Variants in PRSS36 observed in about 807,000 individuals in gnomAD.
PRSS36 encodes the protein polyserase-2.
Under a neutral mutation model 94.3 loss-of-function variants are expected in PRSS36, and 90 were observed. That is an observed-to-expected ratio of 0.95 (90% CI 0.80 to 1.14). PRSS36 has a LOEUF of 1.14. PRSS36 is among the 50% of genes most tolerant of loss of function. The probability of loss-of-function intolerance (pLI) is 0.00; values close to 1 mark genes in which losing one functional copy is unlikely to be tolerated. For synonymous variants in PRSS36, 500 were observed against 489.6 expected, an observed-to-expected ratio of 1.02 and a Z score of -0.28; for missense variants, 1,158 against 1,135.0, an observed-to-expected ratio of 1.02 and a Z score of -0.29.
chr16:31,139,342 C>T lies in PRSS36; in HGVS notation c.2364G>A (p.Gly788=). The change falls in exon 15 of 15, where the codon GGG becomes GGA. Residue 788 remains glycine, a synonymous_variant. Coordinates refer to ENST00000268281, the MANE Select transcript of PRSS36 (RefSeq NM_173502.5). ...SWILVGMAVQ[G]SRELFAAIGP... Reference sequence around the variant, plus strand: ...CAATGGCAGCAAACAGCTCCCGGCTCCCTTGAACAGCCATGCCCACGAGGA... The same window carrying T: ...CAATGGCAGCAAACAGCTCCCGGCTTCCTTGAACAGCCATGCCCACGAGGA... The T allele has an allele frequency of 6.2e-7, 1 of 1,614,166 alleles. No homozygotes were observed. The highest frequency in any genetic ancestry group is 8.5e-7 in the Non-Finnish European group (1 of 1,180,016).
intron 6 of PRSS36, among the ~76,000 whole-genome samples, chr16:31,144,527 C>T (rs1431690331): frequency 6.6e-6 from 1 of 152,148 alleles, no homozygotes; most frequent in African/African-American, 2.4e-5. Context: ...AGGCTGGTCT[C>T]AGACTCCTGG....
In PRSS36 at chr16:31,142,484, G is replaced by C. The variant is rs901071796; in HGVS notation, c.1518C>G (p.Cys506Trp). ...GGGCCCCGCCCCCGCCGCTTACCCAGCAGCTGCCCACCTCCTCCTTTTCCT... is the reference window on the plus strand; with the variant it reads ...GGGCCCCGCCCCCGCCGCTTACCCACCAGCTGCCCACCTCCTCCTTTTCCT... The part of the protein sequence containing the change: ...AYQEKEEVGS[C>W]WNDSRWSLLC... The change falls in exon 10 of 15, where the codon TGC becomes TGG. Residue 506 changes from cysteine (C) to tryptophan (W), a missense_variant. Transcript: ENST00000268281. 6.1e-6 allele frequency: 9 copies of C among 1,468,436 alleles called. No individual in the cohort carries two copies. In the African/African-American group the frequency reaches 8.7e-5, roughly 14 times the overall value. 91.0% of individuals were successfully genotyped at this position (1,468,436 alleles called of 1,614,324 possible).
In PRSS36 at chr16:31,140,421, G is replaced by T. The variant is rs762267020; in HGVS notation, c.2168-6C>A. On this transcript the variant is annotated splice_polypyrimidine_tract_variant and splice_region_variant and intron_variant, in intron 13 of 14. Coordinates refer to ENST00000268281, the MANE Select transcript of PRSS36 (RefSeq NM_173502.5). ...GACAGCAGCAGCCACAGGGACTGGG[G>T]AGAGGAGACAAAGTTGTTCCAGGGC... is the stretch of plus-strand genomic sequence containing the variant. 6.2e-7 allele frequency: 1 copy of T among 1,612,822 alleles called. No individual in the cohort carries two copies. Among genetic ancestry groups the T allele is most frequent in the Non-Finnish European group, 8.5e-7 (1 of 1,179,422 alleles).
In PRSS36 at chr16:31,144,256, C is replaced by A. The variant is rs975648535; in HGVS notation, c.721-419G>T. The stretch of plus-strand genomic sequence containing the variant: ...GTGGTGCAACCTCAGCCCACTGCAA[C>A]CTCTGCCTCCCGGGTTCAAGTGATT... On this transcript the variant is annotated intron_variant, in intron 6 of 14. Transcript: ENST00000268281. Among the ~76,000 whole-genome samples, 46 of 152,134 alleles carry A rather than the reference C, an allele frequency of 3.0e-4. 2 individuals carry two copies.
intron 13 of PRSS36, 32 bp from the exon 14 acceptor site, chr16:31,140,447 T>C: frequency 6.2e-7 from 1 of 1,608,094 alleles, no homozygotes; most frequent in Non-Finnish European, 8.5e-7. Flanking sequence ...GTTCCAGGGC[T>C]CTGGCCTCCA....
At chr16:31,139,544 C>T (rs2057648436) in intron 14 of PRSS36, 128 bp from the exon 15 acceptor site, 2 of 1,164,232 alleles carry the variant, frequency 1.7e-6, no homozygotes, top group African/African-American at 1.5e-5. Context: ...TGGTTTCTCT[C>T]CCGGGTCCAG....
At chr16:31,141,072 G>T (rs972567956) in intron 12 of PRSS36, among the ~76,000 whole-genome samples, 2 of 152,196 alleles carry the variant, frequency 1.3e-5, no homozygotes, top group East Asian at 3.9e-4. Context: ...GGTTACAGGC[G>T]CCTGCCACCA....
chr16:31,139,399 G>T lies in PRSS36; in HGVS notation c.2307C>A (p.Pro769=). ...ENRCEMTSAP[P]LLCQMTEGSW... ...ACCCTTCCGTCATCTGGCACAGGAG[G>T]GGCGGTGCTGAGGTCATCTGCAGAG... Residue 769 remains proline, a synonymous_variant, in exon 15 of 15, where the codon CCC becomes CCA. Coordinates refer to ENST00000268281, the MANE Select transcript of PRSS36 (RefSeq NM_173502.5). 1 of 1,613,930 alleles carries T rather than the reference G, an allele frequency of 6.2e-7. No individual in the cohort carries two copies. The highest frequency in any genetic ancestry group is 1.3e-5 in the African/African-American group (1 of 75,030).
chr16:31,148,748 C>T (rs1156515908), intron 4 of PRSS36, 73 bp from the exon 5 acceptor site: 1 of 1,579,652 alleles, frequency 6.3e-7, no homozygotes, highest in East Asian at 2.2e-5. Flanking sequence ...GGGGCAGGGG[C>T]TCAGAGCCAG....
chr16:31,149,064 AAT>A lies in PRSS36; in HGVS notation c.272+7_272+8del. ...GCGGAGAGGGGCCAGGACCAGGGCG[AAT>A]ACTCACGTCATGAAACAGTGAGCAG... On this transcript the variant is annotated splice_region_variant and intron_variant, in intron 4 of 14. Transcript: ENST00000268281. 1 of 1,587,932 alleles carries A rather than the reference AAT, an allele frequency of 6.3e-7. No homozygotes were observed. The highest frequency in any genetic ancestry group is 8.6e-7 in the Non-Finnish European group (1 of 1,168,890).
chr16:31,142,388 T>C (rs2057712176), intron 10 of PRSS36, 93 bp downstream of exon 10: 3 of 1,318,824 alleles, frequency 2.3e-6, no homozygotes, highest in Non-Finnish European at 3.0e-6. Context: ...GCCCTCTCCC[T>C]AGAGCCCACT....
chr16:31,145,165 C>G (rs908378961), intron 6 of PRSS36, among the ~76,000 whole-genome samples: 1 of 151,482 alleles, frequency 6.6e-6, no homozygotes, highest in Non-Finnish European at 1.5e-5. Context: ...GTCAGGAGAT[C>G]GAGACAATCC....
At position 31,139,144 on chromosome 16, in the gene PRSS36, C is replaced by G. The variant is rs1232001793; in HGVS notation, c.2562G>C (p.Gln854His). The G allele has an allele frequency of 3.2e-6, 5 of 1,558,084 alleles. No homozygotes were observed. Among genetic ancestry groups the G allele is most frequent in the Admixed American group, 1.9e-5 (1 of 54,038 alleles). Residue 854 changes from glutamine (Q) to histidine (H), a missense_variant, in exon 15 of 15, where the codon CAG becomes CAC. By Grantham distance (24) the Gln-to-His change is conservative. Coordinates refer to ENST00000268281, the MANE Select transcript of PRSS36 (RefSeq NM_173502.5). ...YFLLLLTLLI[Q>H]S is the part of the protein sequence containing the mutation. ...GTGCTGGGACCCTAGCCCCTCAGCT[C>G]TGGATCAGGAGAGTCAGCAGGAGCA... is the stretch of plus-strand genomic sequence containing the variant.
In PRSS36 at chr16:31,149,745, G is replaced by A; in HGVS notation, c.38-14C>T. ...TGGGACTGATGACTGGAAAGACAGA[G>A]GTAGGCAGGAAGAGGCTGGCGACTC... On this transcript the variant is annotated splice_polypyrimidine_tract_variant and intron_variant, in intron 1 of 14. Coordinates refer to ENST00000268281, the MANE Select transcript of PRSS36 (RefSeq NM_173502.5). 6.2e-7 allele frequency: 1 copy of A among 1,614,148 alleles called. No individual in the cohort carries two copies. Among genetic ancestry groups the A allele is most frequent in the Non-Finnish European group, 8.5e-7 (1 of 1,180,028 alleles).
chr16:31,142,909 C>A lies in PRSS36; in HGVS notation c.1185G>T (p.Ala395=). 6.5e-7 allele frequency: 1 copy of A among 1,537,682 alleles called. No homozygotes were observed. The highest frequency in any genetic ancestry group is 2.6e-5 in the East Asian group (1 of 38,812). ...AAGCGTTCTCGTGCTGCACCAGGCGCGCCACCCGCTCCGCGCGCGGGCGCG... is the reference window on the plus strand; with the variant it reads ...AAGCGTTCTCGTGCTGCACCAGGCGAGCCACCCGCTCCGCGCGCGGGCGCG... ...LPSRPRAERV[A]RLVQHENASW... Residue 395 remains alanine (A), a synonymous_variant, in exon 9 of 15, where the codon GCG becomes GCT. Coordinates refer to ENST00000268281, the MANE Select transcript of PRSS36 (RefSeq NM_173502.5).
intron 12 of PRSS36, 131 bp downstream of exon 12, chr16:31,141,338 C>T: frequency 8.1e-7 from 1 of 1,230,764 alleles, no homozygotes; most frequent in Non-Finnish European, 1.1e-6. Flanking sequence ...TTGAGGCTGG[C>T]CTGGGCAACA....
intron 14 of PRSS36, among the ~76,000 whole-genome samples, chr16:31,139,980 A>T (rs1317253285): frequency 2.6e-5 from 4 of 151,222 alleles, no homozygotes; most frequent in Admixed American, 2.0e-4. Flanking sequence ...GGATCACGAG[A>T]TCAGATCAAG....
rs567197283 is a variant in PRSS36 at position 31,139,866 on chromosome 16, C to T, written c.2289+428G>A. Among the ~76,000 whole-genome samples, 197 of 91,522 alleles carry T rather than the reference C, an allele frequency of 2.2e-3. 2 individuals carry two copies. Among genetic ancestry groups the T allele is most frequent in the African/African-American group, 7.9e-3 (184 of 23,196 alleles). 60.0% of individuals were successfully genotyped at this position (91,522 alleles called of 152,430 possible). ...CTGCACTCCAGCCTGGGTACCAGAG[C>T]GAGACTCAGTCTCAAAAAAAAAAAA... On this transcript the variant is annotated intron_variant, in intron 14 of 14. Transcript: ENST00000268281.
Position 31,140,485 on chromosome 16 carries a change from G to T in PRSS36, c.2167+7C>A, listed in dbSNP as rs1399224362. The T allele has an allele frequency of 6.3e-7, 1 of 1,588,850 alleles. No individual in the cohort carries two copies. Among genetic ancestry groups the T allele is most frequent in the East Asian group, 2.2e-5 (1 of 44,704 alleles). On this transcript the variant is annotated splice_region_variant and intron_variant, in intron 13 of 14. Coordinates refer to ENST00000268281, the MANE Select transcript of PRSS36 (RefSeq NM_173502.5). ...TACTCCTCGTTCCCGTGACCCAGGG[G>T]TCTCACCTCGGTCCTGGGGTTCTTT...
Sources: allele counts gnomAD v4.1 joint callset (sites outside exome capture counted in the v4.1 genomes callset), GRCh38; gene constraint gnomAD v4.1.1; transcripts MANE v1.5; gene names NCBI Gene and HGNC (gene_info 2026-07-23, HGNC 2026-07-21).